Variants in CHCT1 observed in about 807,000 individuals in gnomAD.
CHCT1 encodes the protein CHD1 helical C-terminal domain containing protein 1.
chr17:60,428,589 C>T, the CHCT1 span, among the ~76,000 whole-genome samples: 24 of 150,306 alleles, frequency 1.6e-4, no homozygotes, highest in Non-Finnish European at 3.0e-4. Flanking sequence ...CAGGTTCAAG[C>T]GATTCTCTTG....
At chr17:60,421,595 G>A in the CHCT1 span, 1 of 983,840 alleles carries the variant, frequency 1.0e-6, no homozygotes, top group African/African-American at 1.7e-5. Context: ...GGAAACTGCG[G>A]GGGCAACGGT....
the CHCT1 span, chr17:60,421,244 TACA>T: frequency 1.7e-4 from 98 of 581,860 alleles, no homozygotes; most frequent in South Asian, 2.3e-4. Context: ...TTCCTCCCCT[TACA>T]ACAACAACAA....
At chr17:60,430,133 T>C in the CHCT1 span, among the ~76,000 whole-genome samples, 6 of 148,970 alleles carry the variant, frequency 4.0e-5, no homozygotes, top group Admixed American at 2.0e-4. Context: ...TTTTTTTTTT[T>C]TTTTTTTTTT....
the CHCT1 span, chr17:60,422,326 C>CA: frequency 1.3e-6 from 1 of 743,294 alleles, no homozygotes; most frequent in Non-Finnish European, 2.0e-6. Context: ...TGCGCTCTGC[C>CA]AAAGTCTTCG....
chr17:60,427,785 G>A, the CHCT1 span, among the ~76,000 whole-genome samples: 1 of 151,998 alleles, frequency 6.6e-6, no homozygotes, highest in Non-Finnish European at 1.5e-5. Flanking sequence ...ATTACAGTAT[G>A]ATATGGAAGA....
the CHCT1 span, chr17:60,431,106 C>G: frequency 6.9e-6 from 7 of 1,015,456 alleles, no homozygotes; most frequent in Non-Finnish European, 1.0e-5. Flanking sequence ...CCTACAACAC[C>G]CCCCATGTAT....
At chr17:60,426,553 G>T in the CHCT1 span, 12 of 1,156,654 alleles carry the variant, frequency 1.0e-5, no homozygotes, top group Non-Finnish European at 1.3e-5. Flanking sequence ...ACCAGGATAG[G>T]ATATTCAAGT....
chr17:60,426,036 C>G, the CHCT1 span: 1 of 1,281,704 alleles, frequency 7.8e-7, no homozygotes, highest in Non-Finnish European at 1.1e-6. Flanking sequence ...CCAGAGCCAC[C>G]TCCCGAAACA....
At chr17:60,427,478 C>T in the CHCT1 span, among the ~76,000 whole-genome samples, 16 of 151,920 alleles carry the variant, frequency 1.1e-4, no homozygotes, top group Non-Finnish European at 2.2e-4. Context: ...AGTGTCGTGG[C>T]GCGATCTTGG....
chr17:60,427,253 A>G, the CHCT1 span, among the ~76,000 whole-genome samples: 1 of 152,080 alleles, frequency 6.6e-6, no homozygotes, highest in Admixed American at 6.6e-5. Flanking sequence ...ATTACTTGCA[A>G]ATTATGGGGT....
At chr17:60,421,369 C>G in the CHCT1 span, 1 of 985,388 alleles carries the variant, frequency 1.0e-6, no homozygotes. Context: ...CGGGCTACCC[C>G]TACTTGAAGC....
the CHCT1 span, chr17:60,421,796 A>G: frequency 1.0e-6 from 1 of 952,798 alleles, no homozygotes; most frequent in African/African-American, 1.8e-5. Context: ...GCGGGTAGGA[A>G]GAGTCGGGGT....
the CHCT1 span, chr17:60,426,771 G>A: frequency 8.7e-6 from 14 of 1,610,120 alleles, no homozygotes; most frequent in Admixed American, 3.4e-5. Flanking sequence ...AAGCAGCTTC[G>A]CCGACTTTAC....
At chr17:60,422,443 G>A in the CHCT1 span, 6 of 1,509,040 alleles carry the variant, frequency 4.0e-6, no homozygotes, top group East Asian at 1.6e-4. Flanking sequence ...GGGGGGCTGG[G>A]TTCTGTGTTG....
chr17:60,426,928 G>A, the CHCT1 span: 1 of 1,515,638 alleles, frequency 6.6e-7, no homozygotes, highest in South Asian at 1.2e-5. Context: ...GTCCTTCCCA[G>A]GGCTCACTGC....
the CHCT1 span, among the ~76,000 whole-genome samples, chr17:60,427,427 T>A: frequency 1.1e-4 from 17 of 150,922 alleles, no homozygotes; most frequent in South Asian, 2.1e-4. Context: ...CAGCTAGTCT[T>A]TTTTTTTTGA....
At chr17:60,430,233 C>T in the CHCT1 span, among the ~76,000 whole-genome samples, 24 of 145,624 alleles carry the variant, frequency 1.6e-4, no homozygotes, top group Non-Finnish European at 4.5e-5. Context: ...TTCCTTTTGA[C>T]ATCTTTTAGC....
At chr17:60,422,446 C>A in the CHCT1 span, 4 of 1,510,964 alleles carry the variant, frequency 2.6e-6, no homozygotes, top group Non-Finnish European at 3.6e-6. Context: ...GGGCTGGGTT[C>A]TGTGTTGGCG....
the CHCT1 span, chr17:60,426,681 G>A: frequency 6.3e-7 from 1 of 1,589,514 alleles, no homozygotes; most frequent in Non-Finnish European, 8.6e-7. Flanking sequence ...GAAGCGCTGT[G>A]CTCCACCTCC....
Sources: allele counts gnomAD v4.1 joint callset (sites outside exome capture counted in the v4.1 genomes callset), GRCh38; gene constraint gnomAD v4.1.1; transcripts MANE v1.5; gene names NCBI Gene and HGNC (gene_info 2026-07-23, HGNC 2026-07-21).